Variants in NHSL2 observed in about 807,000 individuals in gnomAD.
The protein encoded by NHSL2 is NHS-like protein 2.
A neutral mutation model predicts 53.4 loss-of-function variants in NHSL2; 27 were observed. The observed-to-expected ratio is 0.51, with a 90% CI of 0.37 to 0.70. NHSL2 has a LOEUF of 0.70. NHSL2 is among the 30% of genes least tolerant of loss of function. The pLI, the probability that NHSL2 is intolerant of heterozygous loss-of-function variation, is 0.00. For synonymous variants in NHSL2, 408 were observed against 404.1 expected (o/e 1.01, Z -0.12); for missense variants, 892 against 980.1 (o/e 0.91, Z 1.20).
chrX:72,099,185 C>T (rs1225830590), intron 1 of NHSL2, among the ~76,000 whole-genome samples: 1 of 111,540 alleles, frequency 9.0e-6, no homozygotes. Context: ...GCCACAAATG[C>T]CAGCCACTTA....
intron 1 of NHSL2, among the ~76,000 whole-genome samples, chrX:72,090,365 G>T (rs888464218): frequency 9.9e-5 from 11 of 111,387 alleles, no homozygotes; most frequent in African/African-American, 3.6e-4. Context: ...GTGCCCGGCC[G>T]TATCTTTTTA....
intron 1 of NHSL2, among the ~76,000 whole-genome samples, chrX:71,925,269 CTCTTG>C (rs1487025395): frequency 9.0e-6 from 1 of 111,423 alleles, no homozygotes; most frequent in East Asian, 2.8e-4. Flanking sequence ...GGGCTGATGC[CTCTTG>C]TCTTAAGAGC....
intron 1 of NHSL2, among the ~76,000 whole-genome samples, chrX:71,989,905 A>G (rs1469966756): frequency 8.9e-6 from 1 of 112,640 alleles, no homozygotes; most frequent in Non-Finnish European, 1.9e-5. Context: ...CCAGTACAGA[A>G]GTCCCACGTG....
intron 1 of NHSL2, among the ~76,000 whole-genome samples, chrX:72,062,237 C>T (rs755170966): frequency 8.9e-6 from 1 of 111,960 alleles, no homozygotes; most frequent in East Asian, 2.8e-4. Context: ...AGACCTGTGG[C>T]CTCCAAAGTG....
chrX:72,025,290 G>A (rs967438036), intron 1 of NHSL2, among the ~76,000 whole-genome samples: 1 of 112,179 alleles, frequency 8.9e-6, no homozygotes, highest in Admixed American at 9.3e-5. Context: ...TCCTAGAAAG[G>A]GTCCCTAAGC....
intron 1 of NHSL2, among the ~76,000 whole-genome samples, chrX:71,922,677 C>T (rs904348704): frequency 2.7e-5 from 3 of 112,145 alleles, no homozygotes; most frequent in African/African-American, 9.7e-5. Context: ...GCTTCAGCAT[C>T]TTCAGAGGAA....
chrX:71,911,374 ACGGCGCCCCGGTGGCTCG>A lies in NHSL2; in HGVS notation c.280+12_280+29del. Reference sequence around the variant, plus strand: ...GAGGACGAGGAAGAGCTAGGTAAAAACGGCGCCCCGGTGGCTCGCGGCCCCGCGTCTACCCCGCCTCTA... The same window carrying A: ...GAGGACGAGGAAGAGCTAGGTAAAAACGGCCCCGCGTCTACCCCGCCTCTA... On this transcript the variant is annotated splice_region_variant and intron_variant, in intron 1 of 7. Transcript: ENST00000633930. 1 of 1,050,600 alleles carries A rather than the reference ACGGCGCCCCGGTGGCTCG, an allele frequency of 9.5e-7. No homozygotes were observed. 86.6% of individuals were successfully genotyped at this position (1,050,600 alleles called of 1,213,427 possible).
intron 1 of NHSL2, among the ~76,000 whole-genome samples, chrX:72,085,713 T>G (rs2041834136): frequency 1.5e-5 from 1 of 66,578 alleles, no homozygotes; most frequent in Non-Finnish European, 3.8e-5. Flanking sequence ...TGTTTTTTTT[T>G]TGTTTTTTTT....
intron 1 of NHSL2, among the ~76,000 whole-genome samples, chrX:72,055,990 C>CT (rs1262035086): frequency 9.0e-6 from 1 of 111,650 alleles, no homozygotes. Flanking sequence ...AAGTAAATTG[C>CT]TTTTTTTGTA....
chrX:72,052,093 C>T (rs1010162306), intron 1 of NHSL2, among the ~76,000 whole-genome samples: 5 of 112,321 alleles, frequency 4.5e-5, no homozygotes, highest in Non-Finnish European at 7.5e-5. Context: ...TCTCGTTTTC[C>T]TTTGTTGCTT....
chrX:72,014,387 T>C (rs1454261847), intron 1 of NHSL2, among the ~76,000 whole-genome samples: 2 of 112,178 alleles, frequency 1.8e-5, no homozygotes, highest in East Asian at 5.5e-4. Context: ...GATGATTGAT[T>C]TGAGACCTTT....
rs763353048 is a variant in NHSL2, at chrX:72,139,757, C to G, written c.2209C>G (p.Pro737Ala). 11 of 1,208,735 alleles carry G rather than the reference C, an allele frequency of 9.1e-6. No homozygotes were observed. The East Asian group carries it at 2.4e-4, about 26-fold the overall frequency. Residue 737 changes from proline (P) to alanine (A), a missense_variant, in exon 6 of 8, where the codon CCT becomes GCT. Coordinates refer to ENST00000633930, the MANE Select transcript of NHSL2 (RefSeq NM_001013627.3). ...SMSLTLGHLP[P>A]PSSSVRVRPV... ...GTCCCTGACCCTGGGCCACTTACCC[C>G]CTCCAAGCAGCAGTGTCCGGGTACG...
At position 72,152,357 on chromosome X, in the gene NHSL2, G is replaced by GCA. The variant is rs59980083; in HGVS notation, c.*8816_*8817dup. 25 of 9,517 alleles carry GCA rather than the reference G, an allele frequency of 2.6e-3. No homozygotes were observed. The highest frequency in any genetic ancestry group is 3.5e-3 in the Admixed American group (2 of 565). The allele number at this position is 9,517 out of a possible 1,213,427, so 0.8% of individuals were successfully genotyped here. A position where few individuals can be genotyped will look rare whatever the true frequency, so the allele number is the denominator to read the frequency against. On this transcript the variant is annotated 3_prime_UTR_variant, in exon 8 of 8. Coordinates refer to ENST00000633930, the MANE Select transcript of NHSL2 (RefSeq NM_001013627.3). ...TACATGCGTGTGTGCATGCGCGCGCGCACACACACACACACACACACACAC... is the reference window on the plus strand; with the variant it reads ...TACATGCGTGTGTGCATGCGCGCGCGCACACACACACACACACACACACACAC...
chrX:72,112,013 A>G (rs2147478313), intron 1 of NHSL2, among the ~76,000 whole-genome samples: 1 of 110,783 alleles, frequency 9.0e-6, no homozygotes, highest in African/African-American at 3.3e-5. Context: ...TCAGGGGTCT[A>G]TCTGAAGAGG....
intron 1 of NHSL2, among the ~76,000 whole-genome samples, chrX:72,118,370 G>A (rs1026530279): frequency 2.7e-5 from 3 of 111,300 alleles, no homozygotes; most frequent in South Asian, 7.5e-4. Flanking sequence ...TTATATGTTC[G>A]GACACAAGTC....
At chrX:72,055,239 C>T (rs949085837) in intron 1 of NHSL2, among the ~76,000 whole-genome samples, 14 of 111,999 alleles carry the variant, frequency 1.3e-4, no homozygotes, top group Admixed American at 1.9e-4. Flanking sequence ...AGCAAAGTCA[C>T]GCAGCCAACA....
intron 1 of NHSL2, among the ~76,000 whole-genome samples, chrX:71,934,380 A>G (rs1030284195): frequency 8.9e-6 from 1 of 111,914 alleles, no homozygotes; most frequent in African/African-American, 3.2e-5. Flanking sequence ...CTGCTCCCAA[A>G]ATACACGTGA....
chrX:72,067,907 G>C (rs768113404), intron 1 of NHSL2, among the ~76,000 whole-genome samples: 8 of 112,314 alleles, frequency 7.1e-5, no homozygotes, highest in Non-Finnish European at 9.4e-5. Flanking sequence ...ACCCTTGAAA[G>C]CTGGAGACTC....
At chrX:72,020,505 C>T (rs2042155030) in intron 1 of NHSL2, among the ~76,000 whole-genome samples, 2 of 112,683 alleles carry the variant, frequency 1.8e-5, no homozygotes, top group Non-Finnish European at 3.7e-5. Context: ...TATATGGCCT[C>T]TTCTTCCTTC....
Sources: allele counts gnomAD v4.1 joint callset (sites outside exome capture counted in the v4.1 genomes callset), GRCh38; gene constraint gnomAD v4.1.1; transcripts MANE v1.5; gene names NCBI Gene and HGNC (gene_info 2026-07-23, HGNC 2026-07-21).